The following XRN2 variants were observed in gnomAD, a reference collection of about 807,000 sequenced individuals.
The protein encoded by XRN2 is 5'-3' exoribonuclease 2, also known as DHM1-like protein.
A neutral mutation model predicts 138.5 loss-of-function variants in XRN2; 44 were observed. The observed-to-expected ratio is 0.32, with a 90% CI of 0.25 to 0.41. The LOEUF (loss-of-function observed/expected upper bound fraction) is 0.41. XRN2 is among the 10% of genes least tolerant of loss of function. XRN2 has a pLI of 1.00. For missense variants in XRN2, 937 were observed against 1,169.3 expected, an observed-to-expected ratio of 0.80 and a Z score of 2.90; for synonymous variants, 354 against 369.4, an observed-to-expected ratio of 0.96 and a Z score of 0.48.
At chr20:21,320,593 C>A (rs950098008) in intron 1 of XRN2, among the ~76,000 whole-genome samples, 2 of 149,448 alleles carry the variant, frequency 1.3e-5, no homozygotes, top group African/African-American at 2.5e-5. Flanking sequence ...GCCACCACGC[C>A]CGGCCTTATT....
intron 1 of XRN2, among the ~76,000 whole-genome samples, chr20:21,318,689 T>A (rs1203205400): frequency 1.3e-5 from 2 of 152,116 alleles, no homozygotes; most frequent in Non-Finnish European, 2.9e-5. Flanking sequence ...TGGTTTCCCG[T>A]TTGATTTCTT....
intron 24 of XRN2, among the ~76,000 whole-genome samples, chr20:21,363,879 C>T (rs2038664708): frequency 6.6e-6 from 1 of 152,098 alleles, no homozygotes; most frequent in African/African-American, 2.4e-5. Context: ...ATGAATATGT[C>T]TAGTCTGTTG....
chr20:21,331,713 A>T, intron 7 of XRN2, 55 bp from the exon 8 acceptor site: 2 of 1,592,104 alleles, frequency 1.3e-6, no homozygotes, highest in Non-Finnish European at 1.7e-6. Flanking sequence ...GTATGAAGTG[A>T]TATTCTTGTG....
At chr20:21,308,599 T>A (rs1432811924) in intron 1 of XRN2, among the ~76,000 whole-genome samples, 1 of 152,252 alleles carries the variant, frequency 6.6e-6, no homozygotes, top group African/African-American at 2.4e-5. Flanking sequence ...TTCCTTCAGA[T>A]GCTTATTTGC....
chr20:21,308,231 A>T (rs1432230711), intron 1 of XRN2, among the ~76,000 whole-genome samples: 2 of 151,982 alleles, frequency 1.3e-5, no homozygotes, highest in Non-Finnish European at 2.9e-5. Context: ...GATACACCAC[A>T]TTTTATTTAT....
chr20:21,330,653 G>A lies in XRN2; in HGVS notation c.524G>A (p.Arg175His), dbSNP rs6137317. 16 of 1,613,178 alleles carry A rather than the reference G, an allele frequency of 9.9e-6. No homozygotes were observed. The Admixed American group carries it at 1.5e-4, about 15-fold the overall frequency. The change falls in exon 6 of 30, where the codon CGC (arginine) becomes CAC (histidine). Residue 175 changes from arginine (R) to histidine (H), a missense_variant. Physicochemically the swap from Arg to His is conservative, Grantham distance 29. Around this residue, in one of 6 missense-constraint regions of XRN2, gnomAD observed 471 missense variants for 581.2 expected, o/e 0.81. Transcript: ENST00000377191. ...EFMDNLAKCL[R>H]YYIADRLNND... ...ATGGACAATCTTGCTAAATGCCTTC[G>A]CTATTACATAGCTGATCGTTTAAAT...
At chr20:21,338,349 A>G (rs2038325275) in intron 13 of XRN2, among the ~76,000 whole-genome samples, 1 of 152,174 alleles carries the variant, frequency 6.6e-6, no homozygotes, top group African/African-American at 2.4e-5. Context: ...AGTTGAAACC[A>G]TGGCTACAAT....
intron 1 of XRN2, among the ~76,000 whole-genome samples, chr20:21,311,299 A>G (rs558236610): frequency 6.6e-6 from 1 of 152,238 alleles, no homozygotes; most frequent in South Asian, 2.1e-4. Context: ...AAATTTGCCT[A>G]TTCTAGTTAC....
intron 14 of XRN2, 125 bp from the exon 15 acceptor site, chr20:21,340,596 G>A: frequency 9.4e-7 from 1 of 1,059,050 alleles, no homozygotes; most frequent in Non-Finnish European, 1.4e-6. Context: ...AGATCATTTG[G>A]TTTTTTAGTG....
In XRN2 at chr20:21,326,619, T is replaced by C; in HGVS notation, c.315+18T>C. On this transcript the variant is annotated intron_variant, in intron 3 of 29. Coordinates refer to ENST00000377191, the MANE Select transcript of XRN2 (RefSeq NM_012255.5). ...ATGGAGTGGTAAGTGCTAAAATAAT[T>C]AGAAGCCTCCATTTTGTTTTTTTTT... 6.3e-7 allele frequency: 1 copy of C among 1,585,914 alleles called. No homozygotes were observed. The highest frequency in any genetic ancestry group is 8.6e-7 in the Non-Finnish European group (1 of 1,166,172).
chr20:21,335,084 G>A (rs1448614613), intron 13 of XRN2, among the ~76,000 whole-genome samples: 2 of 152,200 alleles, frequency 1.3e-5, no homozygotes, highest in African/African-American at 2.4e-5. Context: ...CAGTTATAGA[G>A]AGGTAGAAGG....
At chr20:21,344,019 T>C (rs2038404690) in intron 15 of XRN2, 71 bp from the exon 16 acceptor site, 1 of 1,088,860 alleles carries the variant, frequency 9.2e-7, no homozygotes, top group Non-Finnish European at 1.4e-6. Flanking sequence ...TAAGTAGTGG[T>C]GGTTGGATGT....
chr20:21,328,739 CT>C, intron 4 of XRN2, 69 bp downstream of exon 4: 2 of 1,384,730 alleles, frequency 1.4e-6, no homozygotes, highest in Non-Finnish European at 2.0e-6. Flanking sequence ...GTGGTGGCAA[CT>C]TTTTCTTACA....
intron 1 of XRN2, among the ~76,000 whole-genome samples, chr20:21,319,935 A>G (rs546135327): frequency 1.4e-4 from 22 of 152,276 alleles, no homozygotes; most frequent in African/African-American, 4.6e-4. Flanking sequence ...TTGCTTTTTA[A>G]TTCAATTAAG....
chr20:21,368,742 C>T (rs1290384743), intron 27 of XRN2, 152 bp downstream of exon 27: 6 of 1,072,098 alleles, frequency 5.6e-6, no homozygotes, highest in African/African-American at 1.6e-5. Flanking sequence ...GAGAGAATAC[C>T]TTATGCAAAA....
chr20:21,334,066 T>C lies in XRN2; in HGVS notation c.1126-12T>C, dbSNP rs184925832. On this transcript the variant is annotated splice_polypyrimidine_tract_variant and intron_variant, in intron 12 of 29. Coordinates refer to ENST00000377191, the MANE Select transcript of XRN2 (RefSeq NM_012255.5). ...TAAGAAGATCATTTTACATATATTT[T>C]ATCACTTACAGGGTTACCTTACAGA... The C allele has an allele frequency of 3.5e-5, 57 of 1,613,916 alleles. No homozygotes were observed. In the Admixed American group the frequency reaches 9.3e-4, roughly 26 times the overall value.
At position 21,334,079 on chromosome 20, in the gene XRN2, G is replaced by T; in HGVS notation, c.1127G>T (p.Gly376Val). The part of the protein sequence containing the change: ...IYKNVVHKTG[G>V]YLTESGYVNL... ...TTACATATATTTTATCACTTACAGG[G>T]TTACCTTACAGAAAGTGGTTATGTC... is the stretch of plus-strand genomic sequence containing the variant. Residue 376 changes from glycine to valine, a missense_variant and splice_region_variant, in exon 13 of 30, where the codon GGT (glycine) becomes GTT (valine). Transcript: ENST00000377191. 1 of 1,613,954 alleles carries T rather than the reference G, an allele frequency of 6.2e-7. No individual in the cohort carries two copies. Among genetic ancestry groups the T allele is most frequent in the Non-Finnish European group, 8.5e-7 (1 of 1,179,918 alleles).
Position 21,354,819 on chromosome 20 carries a change from G to T in XRN2, c.1967G>T (p.Arg656Leu). ...GCTCTCTTGCCATTCGTGGATGAGC[G>T]AAGGCTACGAGCTGCCCTAGAAGAG... ...GVALLPFVDE[R>L]RLRAALEEVY... The change falls in exon 21 of 30, where the codon CGA (arginine) becomes CTA (leucine). Residue 656 changes from arginine (R) to leucine (L), a missense_variant. By Grantham distance (102) the Arg-to-Leu change is moderately radical (BLOSUM62 -2). Transcript: ENST00000377191. 1 of 1,614,006 alleles carries T rather than the reference G, an allele frequency of 6.2e-7. No homozygotes were observed. The highest frequency in any genetic ancestry group is 2.2e-5 in the East Asian group (1 of 44,864).
chr20:21,357,482 T>TGAC (rs1055036412), intron 23 of XRN2, among the ~76,000 whole-genome samples: 1 of 152,214 alleles, frequency 6.6e-6, no homozygotes, highest in African/African-American at 2.4e-5. Flanking sequence ...GGATGCTCAT[T>TGAC]GACATCTTGT....
Sources: gnomAD v4.1 joint callset for allele counts (sites outside exome capture counted in the v4.1 genomes callset) on GRCh38, gnomAD v4.1.1 for gene constraint, gnomAD v4.1.1 regional missense constraint, MANE v1.5 for transcripts, NCBI Gene and HGNC (gene_info 2026-07-23, HGNC 2026-07-21) for gene names.